Variants in SLA2 observed in about 807,000 individuals in gnomAD.
SLA2 encodes the protein Src like adaptor 2, also known as src-like-adapter 2.
SLA2 carries 22 observed loss-of-function variants against 27.3 expected under a neutral mutation model. The ratio of observed to expected loss-of-function variants is 0.81; its 90% CI spans 0.58 to 1.15. The LOEUF (loss-of-function observed/expected upper bound fraction) is 1.15, where lower values mean the gene tolerates loss of function less well. Ranked by LOEUF, SLA2 falls within the 50% of genes most tolerant of loss-of-function variation. The pLI, the probability that SLA2 is intolerant of heterozygous loss-of-function variation, is 0.00. For synonymous variants in SLA2, 131 were observed against 137.8 expected (o/e 0.95, Z 0.34); for missense variants, 304 against 322.2 (o/e 0.94, Z 0.43).
At chr20:36,637,193 ATTTTTT>A (rs1175945445) in intron 2 of SLA2, among the ~76,000 whole-genome samples, 4 of 87,966 alleles carry the variant, frequency 4.5e-5, no homozygotes, top group East Asian at 3.2e-4. Flanking sequence ...GCGTGTGTGT[ATTTTTT>A]TTTTTTTTTT....
chr20:36,630,823 A>G (rs2039386543), intron 5 of SLA2, among the ~76,000 whole-genome samples: 1 of 152,180 alleles, frequency 6.6e-6, no homozygotes, highest in Non-Finnish European at 1.5e-5. Flanking sequence ...TTTGATTGCA[A>G]AAGACCCTGC....
intron 5 of SLA2, among the ~76,000 whole-genome samples, chr20:36,617,394 C>T (rs949804581): frequency 6.6e-6 from 1 of 151,366 alleles, no homozygotes; most frequent in Non-Finnish European, 1.5e-5. Context: ...CAAGGCTGGG[C>T]AGAGTGGCTC....
chr20:36,637,209 TTTTTTTTTTTG>T (rs1306372305), intron 2 of SLA2, among the ~76,000 whole-genome samples: 1 of 145,214 alleles, frequency 6.9e-6, no homozygotes, highest in African/African-American at 2.6e-5. Flanking sequence ...TTTTTTTTTT[TTTTTTTTTTTG>T]GAGACGGAGT....
At chr20:36,643,295 G>A (rs563394756) in intron 1 of SLA2, among the ~76,000 whole-genome samples, 8 of 152,296 alleles carry the variant, frequency 5.3e-5, no homozygotes, top group African/African-American at 1.2e-4. Context: ...GCGGAGCTTT[G>A]TCTTTCTTTT....
rs538039577 is a variant in SLA2, at chr20:36,639,793, G to A, written c.91+1452C>T. On this transcript the variant is annotated intron_variant, in intron 2 of 7. Transcript: ENST00000262866. The stretch of plus-strand genomic sequence containing the variant: ...GGAGAATGGCGTGAACGCAGCAGGC[G>A]GAGCTTGCAGTCAGCCAAGACTGTC... Among the ~76,000 whole-genome samples, 10 of 151,546 alleles carry A rather than the reference G, an allele frequency of 6.6e-5. No homozygotes were observed. In the East Asian group the frequency reaches 7.8e-4, roughly 12 times the overall value.
At chr20:36,617,475 G>T (rs1470792089) in intron 5 of SLA2, among the ~76,000 whole-genome samples, 1 of 148,134 alleles carries the variant, frequency 6.8e-6, no homozygotes, top group Admixed American at 6.7e-5. Flanking sequence ...TGAAGGTTGC[G>T]GTGAGCCAAG....
intron 2 of SLA2, among the ~76,000 whole-genome samples, chr20:36,637,323 C>T (rs557716011): frequency 4.9e-4 from 74 of 151,438 alleles, no homozygotes; most frequent in African/African-American, 1.7e-3. Context: ...CTGCCTCAGC[C>T]TCCTGAGTAG....
chr20:36,618,461 C>T (rs1011052242), intron 5 of SLA2, among the ~76,000 whole-genome samples: 3 of 151,656 alleles, frequency 2.0e-5, no homozygotes, highest in African/African-American at 7.3e-5. Flanking sequence ...TGGTCTTGAA[C>T]TCCTGACCTT....
At chr20:36,623,801 T>G (rs1329424083) in intron 5 of SLA2, among the ~76,000 whole-genome samples, 1 of 152,150 alleles carries the variant, frequency 6.6e-6, no homozygotes, top group Admixed American at 6.6e-5. Flanking sequence ...GCCTGTATTC[T>G]GTACCTTTGA....
At chr20:36,643,820 T>C (rs1056058140) in intron 1 of SLA2, among the ~76,000 whole-genome samples, 3 of 152,000 alleles carry the variant, frequency 2.0e-5, no homozygotes, top group Non-Finnish European at 4.4e-5. Flanking sequence ...GGTGTGGTGG[T>C]GGGTACCTGT....
At chr20:36,625,582 A>G (rs1452549949) in intron 5 of SLA2, among the ~76,000 whole-genome samples, 3 of 152,148 alleles carry the variant, frequency 2.0e-5, no homozygotes, top group Non-Finnish European at 2.9e-5. Context: ...CTGTAATCCC[A>G]GCACTTGGGA....
chr20:36,631,523 T>C (rs113167967), intron 5 of SLA2, among the ~76,000 whole-genome samples: 4,715 of 152,292 alleles, frequency 0.031, 239 homozygotes, highest in African/African-American at 0.11. Flanking sequence ...ACATGGCAGA[T>C]GACAGCCAGA....
At chr20:36,635,920 C>A (rs1319276452) in intron 2 of SLA2, among the ~76,000 whole-genome samples, 1 of 152,076 alleles carries the variant, frequency 6.6e-6, no homozygotes, top group Non-Finnish European at 1.5e-5. Flanking sequence ...TTTCAGGAAG[C>A]CTTCCCTGAC....
chr20:36,630,018 G>C (rs2039378164), intron 5 of SLA2, among the ~76,000 whole-genome samples: 1 of 152,132 alleles, frequency 6.6e-6, no homozygotes, highest in African/African-American at 2.4e-5. Flanking sequence ...TTTTAGGTAA[G>C]GGGCAGAGTG....
intron 5 of SLA2, among the ~76,000 whole-genome samples, chr20:36,623,565 T>G (rs1055604130): frequency 3.3e-5 from 5 of 152,192 alleles, no homozygotes; most frequent in African/African-American, 9.6e-5. Flanking sequence ...GTCAATATGC[T>G]TTGAGAAGTG....
chr20:36,630,833 C>T (rs2039386712), intron 5 of SLA2, among the ~76,000 whole-genome samples: 1 of 152,184 alleles, frequency 6.6e-6, no homozygotes, highest in South Asian at 2.1e-4. Flanking sequence ...AAAGACCCTG[C>T]ACCTGGGGTG....
chr20:36,631,538 T>G (rs2039393379), intron 5 of SLA2, among the ~76,000 whole-genome samples: 1 of 152,228 alleles, frequency 6.6e-6, no homozygotes, highest in Non-Finnish European at 1.5e-5. Flanking sequence ...GCCAGACTGC[T>G]AGACACCAAG....
At chr20:36,617,585 C>T (rs1260554095) in intron 5 of SLA2, among the ~76,000 whole-genome samples, 2 of 151,364 alleles carry the variant, frequency 1.3e-5, no homozygotes, top group African/African-American at 4.9e-5. Context: ...GGGCCGGGCG[C>T]GGTGGCTCAC....
intron 5 of SLA2, among the ~76,000 whole-genome samples, chr20:36,619,220 GAAAAA>G (rs60021707): frequency 4.9e-4 from 35 of 71,262 alleles, no homozygotes; most frequent in Non-Finnish European, 7.8e-4. Flanking sequence ...GACTCTGGGG[GAAAAA>G]AAAAAAAAAA....
Sources: gnomAD v4.1 joint callset for allele counts (sites outside exome capture counted in the v4.1 genomes callset) on GRCh38, gnomAD v4.1.1 for gene constraint, MANE v1.5 for transcripts, NCBI Gene and HGNC (gene_info 2026-07-23, HGNC 2026-07-21) for gene names.